NMNAT2: variants seen among roughly 807,000 people sequenced by gnomAD.
NMNAT2 encodes the protein nicotinamide/nicotinic acid mononucleotide adenylyltransferase 2.
Under a neutral mutation model 41.6 loss-of-function variants are expected in NMNAT2, and 11 were observed. The observed-to-expected ratio is 0.26, with a 90% confidence interval of 0.17 to 0.44. The LOEUF (loss-of-function observed/expected upper bound fraction) is 0.44. NMNAT2 is among the 20% of genes least tolerant of loss of function. The pLI is 1.00. For missense variants in NMNAT2, 288 were observed against 407.7 expected, an observed-to-expected ratio of 0.71 and a Z score of 2.53; for synonymous variants, 148 against 151.2, an observed-to-expected ratio of 0.98 and a Z score of 0.16.
chr1:183,411,332 T>A (rs1256123331), intron 1 of NMNAT2, among the ~76,000 whole-genome samples: 1 of 152,182 alleles, frequency 6.6e-6, no homozygotes, highest in Non-Finnish European at 1.5e-5. Flanking sequence ...CATTTTTTTT[T>A]AAGATGGAGT....
Position 183,261,189 on chromosome 1 carries a change from A to T in NMNAT2, c.753+13T>A. The T allele has an allele frequency of 1.2e-6, 2 of 1,612,858 alleles. No individual in the cohort carries two copies. Among genetic ancestry groups the T allele is most frequent in the Non-Finnish European group, 1.7e-6 (2 of 1,178,850 alleles). The stretch of plus-strand genomic sequence containing the variant: ...GCCATAACACAGATGCACTAGCAGG[A>T]TGGAGGACTCACTTTGTATTTGCGG... On this transcript the variant is annotated intron_variant, in intron 9 of 10. Transcript: ENST00000287713.
At chr1:183,279,079 C>G (rs969611329) in intron 7 of NMNAT2, among the ~76,000 whole-genome samples, 2 of 152,176 alleles carry the variant, frequency 1.3e-5, no homozygotes, top group African/African-American at 4.8e-5. Context: ...GTTTGTCTCC[C>G]TGACATGGGA....
intron 1 of NMNAT2, among the ~76,000 whole-genome samples, chr1:183,325,425 C>T (rs1046661650): frequency 1.3e-5 from 2 of 152,186 alleles, no homozygotes; most frequent in African/African-American, 2.4e-5. Flanking sequence ...CATTTATCTG[C>T]ATGAAAAGAT....
At chr1:183,397,493 G>A (rs1648681924) in intron 1 of NMNAT2, among the ~76,000 whole-genome samples, 1 of 152,118 alleles carries the variant, frequency 6.6e-6, no homozygotes, top group South Asian at 2.1e-4. Flanking sequence ...CACTCTGCAG[G>A]ATATTATCCA....
At chr1:183,258,770 C>CTT (rs1660583371) in intron 10 of NMNAT2, among the ~76,000 whole-genome samples, 1 of 152,096 alleles carries the variant, frequency 6.6e-6, no homozygotes. Context: ...AATAAACTGG[C>CTT]TTATTTGAAT....
At chr1:183,322,354 C>T (rs1170123839) in intron 1 of NMNAT2, among the ~76,000 whole-genome samples, 1 of 152,132 alleles carries the variant, frequency 6.6e-6, no homozygotes, top group Non-Finnish European at 1.5e-5. Flanking sequence ...GCTGTCAGAC[C>T]TGGGTATGGG....
chr1:183,398,104 A>G (rs1410751129), intron 1 of NMNAT2, among the ~76,000 whole-genome samples: 1 of 152,220 alleles, frequency 6.6e-6, no homozygotes, highest in Non-Finnish European at 1.5e-5. Flanking sequence ...CAATTAAAAG[A>G]CACAGACTGG....
At chr1:183,308,745 TAA>T (rs1662048739) in intron 1 of NMNAT2, among the ~76,000 whole-genome samples, 1 of 152,036 alleles carries the variant, frequency 6.6e-6, no homozygotes, top group Non-Finnish European at 1.5e-5. Flanking sequence ...ATAGTGATAA[TAA>T]GAGTGGTGAA....
chr1:183,282,541 A>G (rs1661297122), intron 7 of NMNAT2, among the ~76,000 whole-genome samples: 1 of 152,238 alleles, frequency 6.6e-6, no homozygotes, highest in East Asian at 1.9e-4. Flanking sequence ...TCTCTGGACT[A>G]AGGAAAGAGA....
intron 1 of NMNAT2, among the ~76,000 whole-genome samples, chr1:183,359,769 G>A (rs567458734): frequency 6.6e-6 from 1 of 152,316 alleles, no homozygotes; most frequent in South Asian, 2.1e-4. Flanking sequence ...GTCCAGTGGA[G>A]ATGGGATTCA....
chr1:183,370,185 A>C (rs982368735), intron 1 of NMNAT2, among the ~76,000 whole-genome samples: 1 of 149,602 alleles, frequency 6.7e-6, no homozygotes, highest in African/African-American at 2.5e-5. Context: ...TGCTCTGTTT[A>C]TCCACTCCTA....
intron 1 of NMNAT2, among the ~76,000 whole-genome samples, chr1:183,341,949 C>T (rs959098618): frequency 1.3e-5 from 2 of 151,770 alleles, no homozygotes; most frequent in Non-Finnish European, 2.9e-5. Context: ...TGGAATCCCA[C>T]CTATGAATTG....
At chr1:183,417,361 C>T (rs1417097354) in intron 1 of NMNAT2, among the ~76,000 whole-genome samples, 2 of 152,148 alleles carry the variant, frequency 1.3e-5, no homozygotes, top group Non-Finnish European at 2.9e-5. Context: ...CATATACTCA[C>T]ACACAGTCAT....
exon 1 of NMNAT2, chr1:183,418,376 ACTCCAAGGAGCCG>A: frequency 9.5e-7 from 1 of 1,057,840 alleles, no homozygotes; most frequent in East Asian, 2.4e-5. Flanking sequence ...GATGCTGTGG[ACTCCAAGGAGCCG>A]CTCCAGACGC....
chr1:183,415,841 T>G (rs1243499533), intron 1 of NMNAT2, among the ~76,000 whole-genome samples: 1 of 152,248 alleles, frequency 6.6e-6, no homozygotes. Flanking sequence ...TTCTTATTCT[T>G]GCCTCATTTT....
At chr1:183,275,829 C>G (rs763074406) in intron 8 of NMNAT2, among the ~76,000 whole-genome samples, 1 of 152,130 alleles carries the variant, frequency 6.6e-6, no homozygotes, top group Non-Finnish European at 1.5e-5. Flanking sequence ...CCCGCCACCA[C>G]GCCCAGCTAA....
rs549765665 is a variant in NMNAT2, at chr1:183,286,844, GT to G, written c.322-57del. Reference sequence around the variant, plus strand: ...ATGTGACTTTGAGAATCGTTTCAAAGTTATCTCCAAGTGGTCATCTGCTTGT... The same window carrying G: ...ATGTGACTTTGAGAATCGTTTCAAAGTATCTCCAAGTGGTCATCTGCTTGT... On this transcript the variant is annotated intron_variant, in intron 4 of 10. Transcript: ENST00000287713. 1.8e-5 allele frequency: 28 copies of G among 1,563,516 alleles called. No individual in the cohort carries two copies. In the South Asian group the frequency reaches 3.4e-4, roughly 19 times the overall value.
At chr1:183,402,249 A>G (rs1305737453) in intron 1 of NMNAT2, among the ~76,000 whole-genome samples, 1 of 152,182 alleles carries the variant, frequency 6.6e-6, no homozygotes, top group Non-Finnish European at 1.5e-5. Context: ...TTTGTTATAG[A>G]TTAACTGCCT....
chr1:183,347,324 T>C lies in NMNAT2; in HGVS notation c.86-53531A>G, dbSNP rs145360979. On this transcript the variant is annotated intron_variant, in intron 1 of 10. Coordinates refer to ENST00000287713, the MANE Select transcript of NMNAT2 (RefSeq NM_015039.4). Reference sequence around the variant, plus strand: ...TAGAAACATTAGCTGGGCATGGTGGTGCATGCCTGTAGTCCCAGCTACTCA... The same window carrying C: ...TAGAAACATTAGCTGGGCATGGTGGCGCATGCCTGTAGTCCCAGCTACTCA... 3.5e-3 allele frequency among the ~76,000 whole-genome samples: 538 copies of C among 152,102 alleles called. 8 individuals carry two copies. The highest frequency in any genetic ancestry group is 0.011 in the African/African-American group (451 of 41,492).
Sources: allele counts gnomAD v4.1 joint callset (sites outside exome capture counted in the v4.1 genomes callset), GRCh38; gene constraint gnomAD v4.1.1; transcripts MANE v1.5; gene names NCBI Gene and HGNC (gene_info 2026-07-23, HGNC 2026-07-21).